CHCHD3: variants seen among roughly 807,000 people sequenced by gnomAD.
CHCHD3 encodes MICOS complex subunit MIC19.
A neutral mutation model predicts 38.2 loss-of-function variants in CHCHD3; 20 were observed. That is an observed-to-expected ratio of 0.52 (90% confidence interval 0.37 to 0.76). CHCHD3 has a LOEUF of 0.76. Ranked by LOEUF, CHCHD3 falls within the 30% of genes least tolerant of loss-of-function variation. The pLI, the probability that CHCHD3 is intolerant of heterozygous loss-of-function variation, is 0.00. For synonymous variants in CHCHD3, 82 were observed against 100.0 expected (o/e 0.82, Z 1.07); for missense variants, 245 against 279.2 (o/e 0.88, Z 0.87).
chr7:132,806,697 T>A (rs1327150050), intron 6 of CHCHD3, among the ~76,000 whole-genome samples: 1 of 152,078 alleles, frequency 6.6e-6, no homozygotes, highest in Non-Finnish European at 1.5e-5. Flanking sequence ...CAGACTTTTT[T>A]TTTTTTTAAG....
chr7:132,938,789 T>C (rs987917787), intron 4 of CHCHD3, among the ~76,000 whole-genome samples: 10 of 152,110 alleles, frequency 6.6e-5, no homozygotes, highest in Admixed American at 2.0e-4. Context: ...TTTAGATCTC[T>C]GAGCCCTGGG....
chr7:133,045,491 AAAGGCTTTTT>A (rs1391310593), intron 2 of CHCHD3, among the ~76,000 whole-genome samples: 2 of 152,190 alleles, frequency 1.3e-5, no homozygotes, highest in African/African-American at 4.8e-5. Flanking sequence ...TATAGAAGGC[AAAGGCTTTTT>A]AATGAAGAAA....
chr7:132,839,544 C>T (rs915671063), intron 5 of CHCHD3, among the ~76,000 whole-genome samples: 1 of 152,184 alleles, frequency 6.6e-6, no homozygotes, highest in Non-Finnish European at 1.5e-5. Context: ...AACAAAACAC[C>T]ACCACAATAC....
intron 4 of CHCHD3, among the ~76,000 whole-genome samples, chr7:132,898,417 C>G (rs930487435): frequency 1.1e-4 from 16 of 152,188 alleles, no homozygotes; most frequent in Admixed American, 2.0e-4. Flanking sequence ...AGTGTGGACA[C>G]AAAGGTTCTC....
intron 5 of CHCHD3, among the ~76,000 whole-genome samples, chr7:132,868,649 A>C (rs1808690675): frequency 6.6e-6 from 1 of 152,188 alleles, no homozygotes; most frequent in Non-Finnish European, 1.5e-5. Context: ...TTTAGAAATG[A>C]AAATTTCATT....
At chr7:132,942,875 G>A (rs1410140122) in intron 4 of CHCHD3, among the ~76,000 whole-genome samples, 2 of 152,144 alleles carry the variant, frequency 1.3e-5, no homozygotes, top group African/African-American at 2.4e-5. Context: ...TACATCCCAT[G>A]TGCAGCCTAC....
At chr7:132,901,440 C>A (rs1809665085) in intron 4 of CHCHD3, among the ~76,000 whole-genome samples, 1 of 152,148 alleles carries the variant, frequency 6.6e-6, no homozygotes, top group Non-Finnish European at 1.5e-5. Flanking sequence ...CCATCATCTG[C>A]CCATTAAAGA....
intron 5 of CHCHD3, among the ~76,000 whole-genome samples, chr7:132,882,376 A>G (rs72607793): frequency 0.03 from 4,578 of 151,880 alleles, 439 homozygotes; most frequent in East Asian, 0.21. Flanking sequence ...TAGCTTTCTA[A>G]GCTCACTGGT....
chr7:132,895,490 A>C (rs1274669306), intron 4 of CHCHD3, among the ~76,000 whole-genome samples: 1 of 152,252 alleles, frequency 6.6e-6, no homozygotes, highest in Non-Finnish European at 1.5e-5. Flanking sequence ...CACAGGTTTA[A>C]GAGGTGATAT....
intron 7 of CHCHD3, among the ~76,000 whole-genome samples, chr7:132,787,622 A>T (rs1806351478): frequency 1.3e-5 from 2 of 152,180 alleles, no homozygotes. Flanking sequence ...AAAGGTCTCT[A>T]GACACAACAA....
intron 4 of CHCHD3, among the ~76,000 whole-genome samples, chr7:132,906,901 G>A (rs946627778): frequency 6.6e-6 from 1 of 152,098 alleles, no homozygotes; most frequent in Non-Finnish European, 1.5e-5. Context: ...GGGTAGAATG[G>A]CCAGGACACC....
chr7:132,793,320 G>C (rs1400849911), intron 7 of CHCHD3, among the ~76,000 whole-genome samples: 1 of 152,198 alleles, frequency 6.6e-6, no homozygotes, highest in Non-Finnish European at 1.5e-5. Flanking sequence ...GCAGATATGA[G>C]AAACAAAAGA....
chr7:132,816,434 A>C (rs1807201545), intron 6 of CHCHD3, among the ~76,000 whole-genome samples: 1 of 151,618 alleles, frequency 6.6e-6, no homozygotes, highest in South Asian at 2.1e-4. Flanking sequence ...AGAAAGTTTT[A>C]TGACAGTCAC....
At chr7:132,962,253 T>C (rs1047084466) in intron 4 of CHCHD3, among the ~76,000 whole-genome samples, 1 of 152,216 alleles carries the variant, frequency 6.6e-6, no homozygotes, top group African/African-American at 2.4e-5. Flanking sequence ...TTAAAATAAA[T>C]GTGACTCTTG....
At chr7:133,018,667 C>T (rs1354498793) in intron 3 of CHCHD3, among the ~76,000 whole-genome samples, 1 of 152,058 alleles carries the variant, frequency 6.6e-6, no homozygotes, top group African/African-American at 2.4e-5. Context: ...TATCTATAGT[C>T]TCTGGTCAGT....
intron 3 of CHCHD3, among the ~76,000 whole-genome samples, chr7:132,989,987 A>G (rs1185386077): frequency 2.0e-5 from 3 of 152,150 alleles, no homozygotes; most frequent in African/African-American, 7.2e-5. Context: ...TTAATGGCCA[A>G]TGTGGTGAAA....
chr7:132,800,618 G>A (rs1183214943), intron 6 of CHCHD3, among the ~76,000 whole-genome samples: 1 of 152,184 alleles, frequency 6.6e-6, no homozygotes, highest in Admixed American at 6.5e-5. Context: ...AAAAAATCAT[G>A]TAATGACAAT....
At chr7:132,981,347 A>C (rs1280388036) in intron 3 of CHCHD3, among the ~76,000 whole-genome samples, 1 of 152,202 alleles carries the variant, frequency 6.6e-6, no homozygotes, top group East Asian at 1.9e-4. Context: ...ACTGAGAAGT[A>C]CAACAGAGGT....
chr7:132,886,894 C>T (rs1031294682), intron 4 of CHCHD3: 19 of 879,562 alleles, frequency 2.2e-5, no homozygotes, highest in Non-Finnish European at 2.7e-5. Flanking sequence ...TTTCAGATGT[C>T]AAGGTGCCTG....
Sources: gnomAD v4.1 joint callset for allele counts (sites outside exome capture counted in the v4.1 genomes callset) on GRCh38, gnomAD v4.1.1 for gene constraint, MANE v1.5 for transcripts, NCBI Gene and HGNC (gene_info 2026-07-23, HGNC 2026-07-21) for gene names.